The following BAZ1A variants were observed in gnomAD, a reference collection of about 807,000 sequenced individuals.
BAZ1A encodes the protein bromodomain adjacent to zinc finger domain 1A.
Under a neutral mutation model 185.2 loss-of-function variants are expected in BAZ1A, and 50 were observed. That is an observed-to-expected ratio of 0.27 (90% CI 0.22 to 0.34). The LOEUF is 0.34. BAZ1A is among the 10% of genes least tolerant of loss of function. The pLI is 1.00. For synonymous variants in BAZ1A, 571 were observed against 615.6 expected, an observed-to-expected ratio of 0.93 and a Z score of 1.07; for missense variants, 1,356 against 1,839.9, an observed-to-expected ratio of 0.74 and a Z score of 4.81.
intron 6 of BAZ1A, among the ~76,000 whole-genome samples, chr14:34,807,172 T>C (rs1881896436): frequency 6.6e-6 from 1 of 151,114 alleles, no homozygotes; most frequent in African/African-American, 2.4e-5. Context: ...GAAGCTATAG[T>C]TGCCCCACCT....
chr14:34,868,619 G>T (rs1386601239), intron 2 of BAZ1A, among the ~76,000 whole-genome samples: 2 of 152,048 alleles, frequency 1.3e-5, no homozygotes, highest in Non-Finnish European at 2.9e-5. Context: ...TAGCCAAGAT[G>T]GTGAAACTCC....
rs1350480655 is a variant in BAZ1A, at chr14:34,773,568, G to A, written c.3152+4C>T. 2.0e-6 allele frequency: 3 copies of A among 1,520,998 alleles called. No homozygotes were observed. Among genetic ancestry groups the A allele is most frequent in the South Asian group, 1.2e-5 (1 of 83,282 alleles). The allele number at this position is 1,520,998 out of a possible 1,614,324, so 94.2% of individuals were successfully genotyped here. A position where few individuals can be genotyped will look rare whatever the true frequency, so the allele number is the denominator to read the frequency against. On this transcript the variant is annotated splice_donor_region_variant and intron_variant, in intron 20 of 26. Transcript: ENST00000360310. ...ATGGTTACTTTAGAAAAATCTTTTT[G>A]TACCTGTCTTTTACTATGACCTTTG...
At chr14:34,796,189 CACAT>C (rs1881187980) in intron 9 of BAZ1A, among the ~76,000 whole-genome samples, 3 of 151,566 alleles carry the variant, frequency 2.0e-5, no homozygotes, top group Admixed American at 6.6e-5. Context: ...CACACACACA[CACAT>C]ATATGCATGC....
At chr14:34,869,466 C>T (rs1367924255) in intron 2 of BAZ1A, among the ~76,000 whole-genome samples, 1 of 152,152 alleles carries the variant, frequency 6.6e-6, no homozygotes, top group Non-Finnish European at 1.5e-5. Flanking sequence ...GAAGATATTT[C>T]TTCTTGTCAG....
chr14:34,813,721 A>G (rs1049036952), intron 4 of BAZ1A, among the ~76,000 whole-genome samples: 1 of 151,316 alleles, frequency 6.6e-6, no homozygotes, highest in Non-Finnish European at 1.5e-5. Context: ...TAAAAAACAA[A>G]CGAAGCAACG....
chr14:34,770,276 C>T (rs1879122817), intron 21 of BAZ1A, among the ~76,000 whole-genome samples: 1 of 152,184 alleles, frequency 6.6e-6, no homozygotes. Flanking sequence ...GCCTCAGCCT[C>T]CCAAGTAGCT....
At chr14:34,820,549 C>A (rs2042074288) in intron 4 of BAZ1A, among the ~76,000 whole-genome samples, 1 of 152,138 alleles carries the variant, frequency 6.6e-6, no homozygotes, top group African/African-American at 2.4e-5. Flanking sequence ...TTGACAAGGT[C>A]TTTTGCAGAG....
intron 17 of BAZ1A, 95 bp downstream of exon 17, chr14:34,780,091 A>C: frequency 6.7e-7 from 1 of 1,493,392 alleles, no homozygotes; most frequent in Non-Finnish European, 9.1e-7. Flanking sequence ...CACAAATGAA[A>C]GCAATCAATA....
In BAZ1A at chr14:34,801,677, G is replaced by A. The variant is rs116260946; in HGVS notation, c.862-484C>T. On this transcript the variant is annotated intron_variant, in intron 7 of 26. Coordinates refer to ENST00000360310, the MANE Select transcript of BAZ1A (RefSeq NM_013448.3). ...TGATCCTAGCATTTTGGGAAGCCAC[G>A]GCGGGTAGAATACTTGAGGTCGGGC... Among the ~76,000 whole-genome samples, 942 of 152,240 alleles carry A rather than the reference G, an allele frequency of 6.2e-3. 17 individuals carry two copies. Among genetic ancestry groups the A allele is most frequent in the African/African-American group, 0.022 (909 of 41,550 alleles).
chr14:34,757,816 G>A lies in BAZ1A; in HGVS notation c.4386+888C>T, dbSNP rs12882095. 1.5e-4 allele frequency among the ~76,000 whole-genome samples: 22 copies of A among 148,694 alleles called. No homozygotes were observed. In the South Asian group the frequency reaches 2.6e-3, roughly 17 times the overall value. Reference sequence around the variant, plus strand: ...GTGTGGACTGCAATGGCGCGATCTCGGCTCACTGCAACTTCTGCCTCCCGG... The same window carrying A: ...GTGTGGACTGCAATGGCGCGATCTCAGCTCACTGCAACTTCTGCCTCCCGG... On this transcript the variant is annotated intron_variant, in intron 25 of 26. Coordinates refer to ENST00000360310, the MANE Select transcript of BAZ1A (RefSeq NM_013448.3).
chr14:34,809,615 G>A (rs574495744), intron 5 of BAZ1A, among the ~76,000 whole-genome samples: 1 of 152,180 alleles, frequency 6.6e-6, no homozygotes, highest in South Asian at 2.1e-4. Context: ...AGAGCTATAA[G>A]TCACTTAAGT....
chr14:34,779,431 T>TCTTTTTTTTTTTTTTTTTTTTTTGAG (rs1406701704), intron 17 of BAZ1A, among the ~76,000 whole-genome samples: 1 of 152,104 alleles, frequency 6.6e-6, no homozygotes, highest in African/African-American at 2.4e-5. Flanking sequence ...AAGTATGTTT[T>TCTTTTTTTTTTTTTTTTTTTTTTGAG]AAAAGCTCTG....
In BAZ1A at chr14:34,753,438, A is replaced by G; in HGVS notation, c.*70T>C. On this transcript the variant is annotated 3_prime_UTR_variant, in exon 27 of 27. Transcript: ENST00000360310. ...TCAATCAATTGTTATTGCTTTATAC[A>G]GCATGATTTAATGTTCCATTTTCAT... 6.7e-7 allele frequency: 1 copy of G among 1,494,370 alleles called. No individual in the cohort carries two copies. The highest frequency in any genetic ancestry group is 9.2e-7 in the Non-Finnish European group (1 of 1,081,554). 92.6% of individuals were successfully genotyped at this position (1,494,370 alleles called of 1,614,324 possible).
Position 34,771,665 on chromosome 14 carries a change from A to G in BAZ1A, c.3153-6T>C, listed in dbSNP as rs778679055. Reference sequence around the variant, plus strand: ...CTGTTTTTATCCCCAAAAGTCTACAATTAAAACAATTAAGAGTTTATGGTA... The same window carrying G: ...CTGTTTTTATCCCCAAAAGTCTACAGTTAAAACAATTAAGAGTTTATGGTA... On this transcript the variant is annotated splice_region_variant and splice_polypyrimidine_tract_variant and intron_variant, in intron 20 of 26. Transcript: ENST00000360310. The G allele has an allele frequency of 1.1e-5, 18 of 1,610,070 alleles. No homozygotes were observed. The highest frequency in any genetic ancestry group is 5.1e-5 in the Admixed American group (3 of 59,038).
chr14:34,867,633 G>A (rs1365213386), intron 2 of BAZ1A, among the ~76,000 whole-genome samples: 1 of 152,144 alleles, frequency 6.6e-6, no homozygotes, highest in Non-Finnish European at 1.5e-5. Context: ...TTTCCTTTGT[G>A]TCTATTTACT....
chr14:34,803,161 A>C (rs1881661511), intron 6 of BAZ1A, among the ~76,000 whole-genome samples, 173 bp from the exon 7 acceptor site: 1 of 152,126 alleles, frequency 6.6e-6, no homozygotes, highest in Non-Finnish European at 1.5e-5. Context: ...CGGGCGGATC[A>C]TGAGGTCAAG....
intron 5 of BAZ1A, among the ~76,000 whole-genome samples, chr14:34,809,688 AT>A (rs2041902082): frequency 6.6e-6 from 1 of 152,160 alleles, no homozygotes. Context: ...TAGGAAGAAA[AT>A]GAGCTAACCA....
At chr14:34,791,982 T>C (rs1880875281) in intron 12 of BAZ1A, among the ~76,000 whole-genome samples, 1 of 152,242 alleles carries the variant, frequency 6.6e-6, no homozygotes, top group Non-Finnish European at 1.5e-5. Flanking sequence ...GGGCAAATTA[T>C]CTAGTTCAAA....
rs35955993 is a variant in BAZ1A at position 34,872,913 on chromosome 14, T to TAAAAAAAAAAAAAAAA, written c.113+1563_113+1578dup. Among the ~76,000 whole-genome samples the TAAAAAAAAAAAAAAAA allele has an allele frequency of 1.2e-4, 9 of 76,188 alleles. 1 individual carries two copies. Among genetic ancestry groups the TAAAAAAAAAAAAAAAA allele is most frequent in the African/African-American group, 4.9e-4 (7 of 14,414 alleles). 50.0% of individuals were successfully genotyped at this position (76,188 alleles called of 152,430 possible). A position where few individuals can be genotyped will look rare whatever the true frequency, so the allele number is the denominator to read the frequency against. ...AGCAAGGCCTGTAGCTTTAAAATCC[T>TAAAAAAAAAAAAAAAA]AAAAAAAAAAAAAAAAAAAAAAAAA... is the stretch of plus-strand genomic sequence containing the variant. On this transcript the variant is annotated intron_variant, in intron 2 of 26. Coordinates refer to ENST00000360310, the MANE Select transcript of BAZ1A (RefSeq NM_013448.3).
Sources: allele counts gnomAD v4.1 joint callset (sites outside exome capture counted in the v4.1 genomes callset), GRCh38; gene constraint gnomAD v4.1.1; transcripts MANE v1.5; gene names NCBI Gene and HGNC (gene_info 2026-07-23, HGNC 2026-07-21).